Variants in SORCS3 observed in about 807,000 individuals in gnomAD.
The protein encoded by SORCS3 is VPS10 domain-containing receptor SorCS3.
In SORCS3, 57 loss-of-function variants were observed where a neutral mutation model predicts 146.3. The ratio of observed to expected loss-of-function variants is 0.39; its 90% CI spans 0.31 to 0.49. The LOEUF (loss-of-function observed/expected upper bound fraction) is 0.49. Among genes scored for constraint, SORCS3 ranks in the 20% least tolerant of loss-of-function variants. The probability of loss-of-function intolerance (pLI) is 0.92; values close to 1 mark genes in which losing one functional copy is unlikely to be tolerated. For missense variants in SORCS3, 1,341 were observed against 1,575.5 expected (o/e 0.85, Z 2.52); for synonymous variants, 653 against 618.5 (o/e 1.06, Z -0.83).
chr10:104,869,301 G>A (rs1979635), intron 2 of SORCS3, among the ~76,000 whole-genome samples: 127,739 of 152,234 alleles, frequency 0.84, 54,056 homozygotes, highest in East Asian at 0.98. Context: ...CAAGAGTGTC[G>A]GTGGTGTGAG....
intron 8 of SORCS3, among the ~76,000 whole-genome samples, chr10:105,146,762 A>G (rs2119465004): frequency 6.6e-6 from 1 of 152,234 alleles, no homozygotes; most frequent in East Asian, 1.9e-4. Context: ...TTTGCTCTTC[A>G]GTAAAATGGG....
intron 1 of SORCS3, among the ~76,000 whole-genome samples, chr10:104,778,729 C>G (rs561556662): frequency 6.6e-6 from 1 of 152,308 alleles, no homozygotes; most frequent in South Asian, 2.1e-4. Flanking sequence ...TCCTTAGCTT[C>G]ACAGCAACCT....
intron 20 of SORCS3, among the ~76,000 whole-genome samples, chr10:105,242,824 T>G (rs1213901008): frequency 3.2e-5 from 2 of 62,728 alleles, no homozygotes; most frequent in African/African-American, 1.2e-4. Context: ...TATTTTTATA[T>G]ATAAATTATA....
At chr10:105,245,760 T>G in intron 21 of SORCS3, 95 bp downstream of exon 21, 1 of 1,453,736 alleles carries the variant, frequency 6.9e-7, no homozygotes, top group Non-Finnish European at 9.2e-7. Context: ...TGGAAATTCC[T>G]CAGGCCCTGG....
At chr10:104,921,501 CTCTGTGTGTG>C (rs1252310604) in intron 3 of SORCS3, among the ~76,000 whole-genome samples, 2 of 130,034 alleles carry the variant, frequency 1.5e-5, no homozygotes, top group East Asian at 3.9e-4. Flanking sequence ...CTCTCTCTCT[CTCTGTGTGTG>C]TGTGTGTGTG....
chr10:105,214,663 C>T, intron 18 of SORCS3, 50 bp downstream of exon 18: 1 of 1,469,942 alleles, frequency 6.8e-7, no homozygotes, highest in Non-Finnish European at 9.1e-7. Context: ...CCAGACCATT[C>T]CCAGAAGGGA....
intron 1 of SORCS3, among the ~76,000 whole-genome samples, chr10:104,779,276 C>G (rs1345640528): frequency 6.6e-6 from 1 of 152,190 alleles, no homozygotes; most frequent in Non-Finnish European, 1.5e-5. Context: ...CTTTAAGCTC[C>G]ATGCTGTGGT....
intron 1 of SORCS3, among the ~76,000 whole-genome samples, chr10:104,698,504 C>T (rs1047170414): frequency 2.6e-5 from 4 of 152,144 alleles, no homozygotes; most frequent in South Asian, 2.1e-4. Context: ...TACTGCCACA[C>T]CCGTGTTTCA....
chr10:105,223,366 A>T (rs2056716080), intron 20 of SORCS3, 117 bp downstream of exon 20: 2 of 1,030,934 alleles, frequency 1.9e-6, no homozygotes, highest in African/African-American at 3.2e-5. Context: ...TACTTAATAA[A>T]CCTATGAGCC....
chr10:104,642,950 C>T (rs575992933), intron 1 of SORCS3, among the ~76,000 whole-genome samples: 69 of 152,370 alleles, frequency 4.5e-4, no homozygotes, highest in Non-Finnish European at 7.9e-4. Flanking sequence ...AGCGCGTGCC[C>T]GGAGGGGCTC....
rs114883412 is a variant in SORCS3, at chr10:105,210,896, G to T, written c.2262-241G>T. Among the ~76,000 whole-genome samples the T allele has an allele frequency of 9.6e-3, 1,464 of 152,190 alleles. 24 individuals carry two copies. Among genetic ancestry groups the T allele is most frequent in the African/African-American group, 0.033 (1,371 of 41,518 alleles). ...TTATATCAATACCTTTTTAAACCTA[G>T]AATTTCTATTTGCTAAGTTGCTATT... On this transcript the variant is annotated intron_variant, in intron 16 of 26. Coordinates refer to ENST00000369701, the MANE Select transcript of SORCS3 (RefSeq NM_014978.3).
chr10:105,061,801 G>T (rs999102826), intron 5 of SORCS3, among the ~76,000 whole-genome samples: 1 of 152,154 alleles, frequency 6.6e-6, no homozygotes, highest in African/African-American at 2.4e-5. Context: ...TTGTGTAGCT[G>T]GGATGGCCCT....
chr10:104,670,647 C>T (rs982224621), intron 1 of SORCS3, among the ~76,000 whole-genome samples: 7 of 152,000 alleles, frequency 4.6e-5, no homozygotes, highest in African/African-American at 9.7e-5. Context: ...TTTTCAGGAC[C>T]GTTTTAGCTA....
chr10:105,014,301 A>G (rs1023678733), intron 4 of SORCS3, among the ~76,000 whole-genome samples: 2 of 151,866 alleles, frequency 1.3e-5, no homozygotes, highest in African/African-American at 2.4e-5. Flanking sequence ...TTAACTGTGT[A>G]AGACAAATGC....
intron 18 of SORCS3, among the ~76,000 whole-genome samples, chr10:105,216,727 G>A (rs1218841945): frequency 6.6e-6 from 1 of 152,146 alleles, no homozygotes; most frequent in Non-Finnish European, 1.5e-5. Flanking sequence ...CTTGCCCCGA[G>A]CTTGGGCGAT....
chr10:105,094,818 T>C (rs1320294384), intron 6 of SORCS3, among the ~76,000 whole-genome samples: 1 of 152,188 alleles, frequency 6.6e-6, no homozygotes, highest in Non-Finnish European at 1.5e-5. Context: ...GAGAAGAAAC[T>C]TGCAAGTTCC....
chr10:105,000,619 A>G (rs2055055334), intron 4 of SORCS3, among the ~76,000 whole-genome samples: 1 of 152,146 alleles, frequency 6.6e-6, no homozygotes, highest in Non-Finnish European at 1.5e-5. Flanking sequence ...TCATATTCAT[A>G]GCTACAGCTA....
At chr10:104,964,024 G>A (rs2054812356) in intron 3 of SORCS3, among the ~76,000 whole-genome samples, 1 of 152,146 alleles carries the variant, frequency 6.6e-6, no homozygotes, top group East Asian at 1.9e-4. Context: ...GCTTGGTGCA[G>A]GCCATTCATC....
intron 1 of SORCS3, among the ~76,000 whole-genome samples, chr10:104,834,421 C>G (rs1353003619): frequency 1.3e-5 from 2 of 152,154 alleles, no homozygotes; most frequent in African/African-American, 4.8e-5. Context: ...ATCTTTGCAT[C>G]TGCTGCTGCT....
Sources: gnomAD v4.1 joint callset for allele counts (sites outside exome capture counted in the v4.1 genomes callset) on GRCh38, gnomAD v4.1.1 for gene constraint, MANE v1.5 for transcripts, NCBI Gene and HGNC (gene_info 2026-07-23, HGNC 2026-07-21) for gene names.